The following PLCE1 variants were observed in gnomAD, a reference collection of about 807,000 sequenced individuals.
PLCE1 encodes the protein 1-phosphatidylinositol 4,5-bisphosphate phosphodiesterase epsilon-1.
A neutral mutation model predicts 242.8 loss-of-function variants in PLCE1; 119 were observed. That is an observed-to-expected ratio of 0.49 (90% confidence interval 0.42 to 0.57). The LOEUF is 0.57. Among genes scored for constraint, PLCE1 ranks in the 20% least tolerant of loss-of-function variants. The pLI, the probability that PLCE1 is intolerant of heterozygous loss-of-function variation, is 0.00. For synonymous variants in PLCE1, 945 were observed against 1,017.4 expected (o/e 0.93, Z 1.35); for missense variants, 2,441 against 2,788.8 (o/e 0.88, Z 2.81).
chr10:94,306,322 C>G lies in PLCE1; in HGVS notation c.5623-105C>G. On this transcript the variant is annotated intron_variant, in intron 25 of 32. Coordinates refer to ENST00000371380, the MANE Select transcript of PLCE1 (RefSeq NM_016341.4). This position sits in a 1 kb window ranked among gnomAD's most constrained non-coding sequence, Gnocchi z 5.7. ...TTATTCATCATTCACTTTGTCCATT[C>G]CAGTGTTCTTGGGATTCCTTTGCAG... 1 of 1,573,534 alleles carries G rather than the reference C, an allele frequency of 6.4e-7. No individual in the cohort carries two copies. Among genetic ancestry groups the G allele is most frequent in the South Asian group, 1.1e-5 (1 of 89,632 alleles).
chr10:94,162,345 G>T (rs1410935569), intron 3 of PLCE1, among the ~76,000 whole-genome samples: 4 of 152,174 alleles, frequency 2.6e-5, no homozygotes, highest in African/African-American at 7.2e-5. Flanking sequence ...CCTGTTATTG[G>T]TCTATTCAGA....
intron 24 of PLCE1, among the ~76,000 whole-genome samples, chr10:94,301,802 CA>C (rs2053048230): frequency 6.6e-6 from 1 of 152,224 alleles, no homozygotes; most frequent in South Asian, 2.1e-4. Flanking sequence ...TGAGGCAGAA[CA>C]ATACCGCCTC....
chr10:94,147,814 T>C (rs183489220), intron 3 of PLCE1, among the ~76,000 whole-genome samples: 84 of 152,316 alleles, frequency 5.5e-4, no homozygotes, highest in East Asian at 2.9e-3. Context: ...GTAGGAAATA[T>C]AATAGAATGT....
At chr10:94,216,272 G>A (rs1278344059) in intron 4 of PLCE1, among the ~76,000 whole-genome samples, 1 of 152,184 alleles carries the variant, frequency 6.6e-6, no homozygotes. Flanking sequence ...AGATCTCCTC[G>A]GTGAGGAGAG....
At chr10:94,229,064 C>A (rs1268883012) in intron 5 of PLCE1, among the ~76,000 whole-genome samples, 3 of 151,952 alleles carry the variant, frequency 2.0e-5, no homozygotes, top group Admixed American at 1.3e-4. Flanking sequence ...CGCCTGTAAT[C>A]CCAGCTACTC....
chr10:94,049,315 A>G (rs1437191137), intron 2 of PLCE1, among the ~76,000 whole-genome samples: 1 of 152,126 alleles, frequency 6.6e-6, no homozygotes, highest in Non-Finnish European at 1.5e-5. Flanking sequence ...CGAATTCCCT[A>G]ACCCATTTAA....
chr10:94,160,982 C>T (rs1220226536), intron 3 of PLCE1, among the ~76,000 whole-genome samples: 2 of 152,132 alleles, frequency 1.3e-5, no homozygotes, highest in Non-Finnish European at 2.9e-5. Context: ...GTTTTGGTAC[C>T]AGTACCATGC....
intron 4 of PLCE1, among the ~76,000 whole-genome samples, chr10:94,215,596 A>C (rs1361404298): frequency 1.3e-5 from 2 of 152,148 alleles, no homozygotes; most frequent in Non-Finnish European, 2.9e-5. Context: ...TAAGGACTGG[A>C]AACAGGATGG....
At chr10:94,175,261 C>G (rs2048094959) in intron 4 of PLCE1, among the ~76,000 whole-genome samples, 1 of 151,994 alleles carries the variant, frequency 6.6e-6, no homozygotes, top group African/African-American at 2.4e-5. Context: ...TTCCCTCTTC[C>G]CTCCCTCTCT....
chr10:94,001,968 C>T (rs560586281), intron 1 of PLCE1, among the ~76,000 whole-genome samples: 11 of 152,284 alleles, frequency 7.2e-5, no homozygotes, highest in African/African-American at 2.2e-4. Flanking sequence ...GGTTAACTGT[C>T]GGGGTCTGAG....
At chr10:94,151,481 C>T (rs184158222) in intron 3 of PLCE1, among the ~76,000 whole-genome samples, 26 of 152,282 alleles carry the variant, frequency 1.7e-4, no homozygotes, top group African/African-American at 5.1e-4. Context: ...ATAAAAAGAA[C>T]GTGAAAAGTT....
At chr10:94,116,655 A>G (rs1285289727) in intron 2 of PLCE1, among the ~76,000 whole-genome samples, 1 of 152,222 alleles carries the variant, frequency 6.6e-6, no homozygotes, top group Non-Finnish European at 1.5e-5. Flanking sequence ...AAATCGCACC[A>G]CTGCACTCCA....
chr10:94,069,264 T>C (rs2044283981), intron 2 of PLCE1, among the ~76,000 whole-genome samples: 1 of 152,120 alleles, frequency 6.6e-6, no homozygotes, highest in Non-Finnish European at 1.5e-5. Context: ...TGGCAAAATA[T>C]AGGTTCAATT....
chr10:94,106,839 T>C (rs947153271), intron 2 of PLCE1, among the ~76,000 whole-genome samples: 17 of 150,884 alleles, frequency 1.1e-4, no homozygotes, highest in African/African-American at 3.9e-4. Context: ...AGTGAATGTA[T>C]TTTTTCTTCC....
At chr10:94,033,203 G>A (rs1282206458) in intron 2 of PLCE1, among the ~76,000 whole-genome samples, 1 of 151,920 alleles carries the variant, frequency 6.6e-6, no homozygotes, top group African/African-American at 2.4e-5. Flanking sequence ...GTTCCTCTGA[G>A]CTATTGAGGG....
At chr10:94,220,704 A>G (rs532180143) in intron 4 of PLCE1, among the ~76,000 whole-genome samples, 2 of 152,168 alleles carry the variant, frequency 1.3e-5, no homozygotes, top group South Asian at 2.1e-4. Context: ...GTGAACATCT[A>G]TCCCTTAACT....
intron 11 of PLCE1, among the ~76,000 whole-genome samples, chr10:94,257,378 T>C (rs2051136674): frequency 6.6e-6 from 1 of 151,948 alleles, no homozygotes; most frequent in South Asian, 2.1e-4. Context: ...ACAGGTCCTC[T>C]AGAACTAGAA....
intron 2 of PLCE1, among the ~76,000 whole-genome samples, chr10:94,066,385 G>A (rs2044196547): frequency 6.6e-6 from 1 of 152,086 alleles, no homozygotes. Flanking sequence ...TGTTGGAATT[G>A]TATCCTTCAA....
intron 20 of PLCE1, 21 bp downstream of exon 20, chr10:94,279,932 T>C (rs1344551409): frequency 6.2e-7 from 1 of 1,612,838 alleles, no homozygotes; most frequent in African/African-American, 1.3e-5. Flanking sequence ...CAGATCCCTA[T>C]GCTGTGCACA....
Sources: allele counts gnomAD v4.1 joint callset (sites outside exome capture counted in the v4.1 genomes callset), GRCh38; gene constraint gnomAD v4.1.1; non-coding constraint Gnocchi (gnomAD v3.1); transcripts MANE v1.5; gene names NCBI Gene and HGNC (gene_info 2026-07-23, HGNC 2026-07-21).